The following CRB2 variants were observed in gnomAD, a reference collection of about 807,000 sequenced individuals.
CRB2 encodes the protein crumbs cell polarity complex component 2.
Under a neutral mutation model 110.9 loss-of-function variants are expected in CRB2, and 85 were observed. The ratio of observed to expected loss-of-function variants is 0.77; its 90% CI spans 0.64 to 0.92. CRB2 has a LOEUF of 0.92. Ranked by LOEUF, CRB2 falls within the 40% of genes least tolerant of loss-of-function variation. The pLI, the probability that CRB2 is intolerant of heterozygous loss-of-function variation, is 0.00. For synonymous variants in CRB2, 907 were observed against 831.0 expected, an observed-to-expected ratio of 1.09 and a Z score of -1.57; for missense variants, 1,843 against 1,851.3, an observed-to-expected ratio of 1.00 and a Z score of 0.08.
At position 123,363,175 on chromosome 9, in the gene CRB2, C is replaced by T. The variant is rs753335274; in HGVS notation, c.405C>T (p.Pro135=). The T allele has an allele frequency of 1.2e-6, 2 of 1,604,858 alleles. No individual in the cohort carries two copies. Among genetic ancestry groups the T allele is most frequent in the South Asian group, 1.1e-5 (1 of 90,842 alleles). Residue 135 remains proline, a synonymous_variant, in exon 2 of 13, where the codon CCC becomes CCT. Coordinates refer to ENST00000373631, the MANE Select transcript of CRB2 (RefSeq NM_173689.7). ...CCGATCGCTACGAGTGCCATTGCCC[C>T]CTTGGCTATGCAGGTAACAGCCTGG... ...NLADRYECHC[P]LGYAGVTCEM...
intron 1 of CRB2, among the ~76,000 whole-genome samples, chr9:123,359,441 G>GTTTTTTTTTTTTTTT (rs375773781): frequency 2.9e-4 from 27 of 94,412 alleles, no homozygotes; most frequent in African/African-American, 3.5e-4. Context: ...TTTTTGTTTT[G>GTTTTTTTTTTTTTTT]TTTTTTTTTT....
intron 10 of CRB2, among the ~76,000 whole-genome samples, 163 bp from the exon 11 acceptor site, chr9:123,374,416 T>C (rs1333918397): frequency 6.6e-6 from 1 of 152,154 alleles, no homozygotes; most frequent in Admixed American, 6.5e-5. Flanking sequence ...AGTGCAACCC[T>C]GTGTCCCTTC....
Position 123,356,460 on chromosome 9 carries a change from G to A in CRB2, c.94+106G>A. The stretch of plus-strand genomic sequence containing the variant: ...GTGGTGGGTGGGCTGGTCCGCGTGG[G>A]TGCAGGCCTGAGCTGTGGGGTGCAC... On this transcript the variant is annotated intron_variant, in intron 1 of 12. Coordinates refer to ENST00000373631, the MANE Select transcript of CRB2 (RefSeq NM_173689.7). 8 of 840,950 alleles carry A rather than the reference G, an allele frequency of 9.5e-6. No homozygotes were observed. In the South Asian group the frequency reaches 1.5e-4, roughly 16 times the overall value. 52.1% of individuals were successfully genotyped at this position (840,950 alleles called of 1,614,324 possible). A position where few individuals can be genotyped will look rare whatever the true frequency, so the allele number is the denominator to read the frequency against.
chr9:123,371,559 T>A lies in CRB2; in HGVS notation c.2417T>A (p.Val806Asp), dbSNP rs150538209. The change falls in exon 8 of 13, where the codon GTC (valine) becomes GAC (aspartate). Residue 806 changes from valine to aspartate, a missense_variant. Coordinates refer to ENST00000373631, the MANE Select transcript of CRB2 (RefSeq NM_173689.7). The part of the protein sequence containing the change: ...RQSWNLTAGC[V>D]SEDMCSPDPC... ...TCCTGGAACCTCACTGCGGGCTGCG[T>A]CTCCGAGGACATGTGCAGTGTAAGT... The A allele has an allele frequency of 1.2e-5, 20 of 1,612,808 alleles. No individual in the cohort carries two copies. Among genetic ancestry groups the A allele is most frequent in the Non-Finnish European group, 3.4e-6 (4 of 1,180,030 alleles).
At position 123,366,472 on chromosome 9, in the gene CRB2, G is replaced by A. The variant is rs2041934230; in HGVS notation, c.754+106G>A. 6.7e-6 allele frequency: 9 copies of A among 1,351,858 alleles called. No homozygotes were observed. In the South Asian group the frequency reaches 1.1e-4, roughly 16 times the overall value. 83.7% of individuals were successfully genotyped at this position (1,351,858 alleles called of 1,614,324 possible). On this transcript the variant is annotated intron_variant, in intron 4 of 12. Coordinates refer to ENST00000373631, the MANE Select transcript of CRB2 (RefSeq NM_173689.7). The stretch of plus-strand genomic sequence containing the variant: ...GTGGCTGCACGCGAGTGCCCGCTGG[G>A]TCCTCGGGACCAGAGTGTGTGTGTG...
In CRB2 at chr9:123,371,594, CGGTGGT is replaced by C. The variant is rs748183673; in HGVS notation, c.2436+25_2436+30del. The C allele has an allele frequency of 1.2e-6, 2 of 1,610,844 alleles. No homozygotes were observed. Among genetic ancestry groups the C allele is most frequent in the South Asian group, 1.1e-5 (1 of 91,060 alleles). On this transcript the variant is annotated intron_variant, in intron 8 of 12. Coordinates refer to ENST00000373631, the MANE Select transcript of CRB2 (RefSeq NM_173689.7). ...CATGTGCAGTGTAAGTGTCTGGTGG[CGGTGGT>C]GGTGGTGGGGTGGGGAGTCCTTTTC...
At position 123,373,141 on chromosome 9, in the gene CRB2, G is replaced by T; in HGVS notation, c.2610G>T (p.Ala870=). ...GGCTCCTTCTCTCCGCAGGTGTGGC[G>T]GAGGCCACGTTCCGCGAGGGTCCCC... ...EEVPDGFVCV[A]EATFREGPPA... The change falls in exon 10 of 13, where the codon GCG becomes GCT. Residue 870 remains alanine (A), a synonymous_variant. Transcript: ENST00000373631. The T allele has an allele frequency of 6.6e-7, 1 of 1,505,224 alleles. No individual in the cohort carries two copies. The highest frequency in any genetic ancestry group is 2.8e-5 in the East Asian group (1 of 36,196). 93.2% of individuals were successfully genotyped at this position (1,505,224 alleles called of 1,614,324 possible). A position where few individuals can be genotyped will look rare whatever the true frequency, so the allele number is the denominator to read the frequency against.
chr9:123,379,331 C>T (rs775170007), downstream of CRB2, among the ~76,000 whole-genome samples: 49 of 152,264 alleles, frequency 3.2e-4, no homozygotes, highest in Admixed American at 1.3e-3. Flanking sequence ...CCTGTGGGGG[C>T]GACTTGCCAG....
Position 123,372,337 on chromosome 9 carries a change from TTG to T in CRB2, c.2602+2_2602+3del. The stretch of plus-strand genomic sequence containing the variant: ...ACGTGTGAGGAGGTCCCTGATGGCT[TTG>T]TGTGTGAGTGTGTGTCCTGGGCAGC... On this transcript the variant is annotated frameshift_variant, in exon 9 of 13. Transcript: ENST00000373631. LOFTEE classifies it high-confidence loss of function. The T allele has an allele frequency of 1.2e-5, 19 of 1,595,438 alleles. No homozygotes were observed. The highest frequency in any genetic ancestry group is 1.6e-5 in the Non-Finnish European group (19 of 1,170,454).
Position 123,362,865 on chromosome 9 carries a change from G to A in CRB2, c.95G>A (p.Gly32Glu), listed in dbSNP as rs1420714380. Residue 32 changes from glycine to glutamate, a missense_variant and splice_region_variant, in exon 2 of 13, where the codon GGG (glycine) becomes GAG (glutamate). Gly to Glu is a moderately conservative substitution (Grantham distance 98). Coordinates refer to ENST00000373631, the MANE Select transcript of CRB2 (RefSeq NM_173689.7). Reference protein sequence around the residue: ...LWAPALSLLAGTVPSEPPSAC... With the variant: ...LWAPALSLLAETVPSEPPSAC... ...CCCAGCCAGTTTCTTCTTTCTACAG[G>A]GACGGTGCCTTCAGAGCCCCCCAGT... 1.3e-6 allele frequency: 2 copies of A among 1,574,804 alleles called. No homozygotes were observed. The highest frequency in any genetic ancestry group is 2.7e-5 in the African/African-American group (2 of 74,106).
chr9:123,376,819 G>A lies in CRB2; in HGVS notation c.3634-19G>A, dbSNP rs900975277. ...CCCCTTCTCTGCGGTCTTAGGCCTCGGTGTCGTGTCTCTTGCAGAAGGGCC... is the reference window on the plus strand; with the variant it reads ...CCCCTTCTCTGCGGTCTTAGGCCTCAGTGTCGTGTCTCTTGCAGAAGGGCC... On this transcript the variant is annotated intron_variant, in intron 12 of 12. Transcript: ENST00000373631. The A allele has an allele frequency of 9.4e-6, 15 of 1,595,120 alleles. No homozygotes were observed. Among genetic ancestry groups the A allele is most frequent in the African/African-American group, 2.7e-5 (2 of 74,602 alleles).
intron 1 of CRB2, among the ~76,000 whole-genome samples, chr9:123,358,280 A>G (rs62579936): frequency 0.12 from 18,066 of 152,238 alleles, 1,198 homozygotes; most frequent in Admixed American, 0.19. Context: ...CCAATTTGCC[A>G]CAAAGGCCCG....
chr9:123,379,765 C>G (rs562988355), downstream of CRB2: 112 of 152,510 alleles, frequency 7.3e-4, no homozygotes, highest in Middle Eastern at 3.4e-3. Flanking sequence ...AGCGCTCACC[C>G]CAGCCCCTCA....
At chr9:123,362,236 A>C (rs10985990) in intron 1 of CRB2, among the ~76,000 whole-genome samples, 68,986 of 151,982 alleles carry the variant, frequency 0.45, 16,201 homozygotes, top group Admixed American at 0.51. Flanking sequence ...CCCATCCTCC[A>C]GAGGTTGAGG....
intron 4 of CRB2, 119 bp from the exon 5 acceptor site, chr9:123,367,053 G>A (rs1371400415): frequency 8.7e-6 from 9 of 1,037,926 alleles, no homozygotes; most frequent in Admixed American, 2.7e-5. Context: ...TCCCTCCCTC[G>A]CCATTCGTGG....
intron 1 of CRB2, among the ~76,000 whole-genome samples, chr9:123,360,484 G>C (rs1411017084): frequency 2.6e-5 from 4 of 152,180 alleles, no homozygotes; most frequent in Non-Finnish European, 5.9e-5. Context: ...CTCCTGTCTG[G>C]CCTGGGCTAT....
chr9:123,370,975 C>G lies in CRB2; in HGVS notation c.1922C>G (p.Ala641Gly). ...CGGCCCCATAGAGGTCCCACGTGCG[C>G]TGATGGTGAGGAATAAGCCAGGTGG... is the stretch of plus-strand genomic sequence containing the variant. ...CARPHRGPTCADEIPAATFGL... is the reference protein window; with the variant it reads ...CARPHRGPTCGDEIPAATFGL... Residue 641 changes from alanine to glycine, a missense_variant, in exon 7 of 13, where the codon GCT becomes GGT. By Grantham distance (60) the Ala-to-Gly change is moderately conservative (BLOSUM62 0). Coordinates refer to ENST00000373631, the MANE Select transcript of CRB2 (RefSeq NM_173689.7). 1 of 1,602,488 alleles carries G rather than the reference C, an allele frequency of 6.2e-7. No homozygotes were observed. The highest frequency in any genetic ancestry group is 1.3e-5 in the African/African-American group (1 of 74,828).
At position 123,373,264 on chromosome 9, in the gene CRB2, T is replaced by G. The variant is rs1326757175; in HGVS notation, c.2733T>G (p.Arg911=). 1 of 1,487,260 alleles carries G rather than the reference T, an allele frequency of 6.7e-7. No homozygotes were observed. The allele number at this position is 1,487,260 out of a possible 1,614,324, so 92.1% of individuals were successfully genotyped here. ...RTRDSEAWLL[R]AAAGALEGVW... is the part of the protein sequence containing the mutation. ...GCGACTCCGAGGCCTGGCTGCTGCGTGCCGCGGCGGGCGCCCTGGAAGGCG... is the reference window on the plus strand; with the variant it reads ...GCGACTCCGAGGCCTGGCTGCTGCGGGCCGCGGCGGGCGCCCTGGAAGGCG... Residue 911 remains arginine, a synonymous_variant, in exon 10 of 13, where the codon CGT becomes CGG. Transcript: ENST00000373631.
intron 6 of CRB2, among the ~76,000 whole-genome samples, chr9:123,369,671 G>A (rs1343173308): frequency 6.6e-6 from 1 of 152,180 alleles, no homozygotes; most frequent in African/African-American, 2.4e-5. Flanking sequence ...CAGCCCATGA[G>A]GGTGTCTTAA....
Sources: gnomAD v4.1 joint callset for allele counts (sites outside exome capture counted in the v4.1 genomes callset) on GRCh38, gnomAD v4.1.1 for gene constraint, MANE v1.5 for transcripts, NCBI Gene and HGNC (gene_info 2026-07-23, HGNC 2026-07-21) for gene names.